The following HTR4 variants were observed in gnomAD, a reference collection of about 807,000 sequenced individuals.
HTR4 encodes 5-hydroxytryptamine (serotonin) receptor 4, G protein-coupled.
Under a neutral mutation model 36.8 loss-of-function variants are expected in HTR4, and 16 were observed. That is an observed-to-expected ratio of 0.43 (90% CI 0.29 to 0.66). The LOEUF (loss-of-function observed/expected upper bound fraction) is 0.66, where lower values mean the gene tolerates loss of function less well. Ranked by LOEUF, HTR4 falls within the 30% of genes least tolerant of loss-of-function variation. The pLI is 0.13. For synonymous variants in HTR4, 189 were observed against 185.1 expected, an observed-to-expected ratio of 1.02 and a Z score of -0.17; for missense variants, 438 against 490.9, an observed-to-expected ratio of 0.89 and a Z score of 1.02.
chr5:148,635,991 A>G (rs1383070665), intron 2 of HTR4, among the ~76,000 whole-genome samples: 1 of 152,154 alleles, frequency 6.6e-6, no homozygotes, highest in Non-Finnish European at 1.5e-5. Flanking sequence ...TATTTGAAAT[A>G]TATATATTAC....
intron 2 of HTR4, among the ~76,000 whole-genome samples, chr5:148,624,991 A>G (rs1753042187): frequency 6.6e-6 from 1 of 152,210 alleles, no homozygotes. Flanking sequence ...AATAATTGAT[A>G]ACAGCAATTT....
chr5:148,596,727 A>G (rs920985669), intron 2 of HTR4, among the ~76,000 whole-genome samples: 1 of 152,162 alleles, frequency 6.6e-6, no homozygotes, highest in African/African-American at 2.4e-5. Context: ...CTGCTCTAGC[A>G]AAACTGAATT....
chr5:148,460,801 A>G (rs1351244345), intron 5 of HTR4, among the ~76,000 whole-genome samples: 1 of 152,110 alleles, frequency 6.6e-6, no homozygotes, highest in African/African-American at 2.4e-5. Flanking sequence ...GTTCAAAATA[A>G]TAATAGCAAT....
chr5:148,593,886 G>A (rs1761670187), intron 2 of HTR4, among the ~76,000 whole-genome samples: 1 of 152,094 alleles, frequency 6.6e-6, no homozygotes, highest in African/African-American at 2.4e-5. Flanking sequence ...TTTTCAATGT[G>A]TTCAAATTCC....
At chr5:148,629,251 AC>A (rs1021117066) in intron 2 of HTR4, 59 of 152,310 alleles carry the variant, frequency 3.9e-4, no homozygotes, top group African/African-American at 1.3e-3. Context: ...AACTGTTGAT[AC>A]TAAAATTCAT....
intron 4 of HTR4, among the ~76,000 whole-genome samples, chr5:148,536,205 C>A (rs754759545): frequency 3.9e-5 from 6 of 152,074 alleles, no homozygotes; most frequent in Non-Finnish European, 8.8e-5. Context: ...TTGTTACCAC[C>A]AGACCTGCTT....
intron 5 of HTR4, among the ~76,000 whole-genome samples, chr5:148,471,295 A>G (rs2113704129): frequency 6.6e-6 from 1 of 152,328 alleles, no homozygotes; most frequent in African/African-American, 2.4e-5. Context: ...GCCTAGTACA[A>G]TGCCTGACAC....
intron 5 of HTR4, among the ~76,000 whole-genome samples, chr5:148,517,970 A>T (rs1757842958): frequency 6.6e-6 from 1 of 151,644 alleles, no homozygotes; most frequent in Non-Finnish European, 1.5e-5. Flanking sequence ...TCCCTCCCTC[A>T]TTTACTCTGC....
intron 2 of HTR4, among the ~76,000 whole-genome samples, chr5:148,609,770 G>C (rs988065457): frequency 6.6e-6 from 1 of 152,044 alleles, no homozygotes; most frequent in Admixed American, 6.5e-5. Context: ...GTTTCACCGT[G>C]TTAGCCAGGA....
chr5:148,614,510 C>A (rs1253313655), intron 2 of HTR4, among the ~76,000 whole-genome samples: 1 of 152,080 alleles, frequency 6.6e-6, no homozygotes, highest in African/African-American at 2.4e-5. Context: ...CCCTTCCTTA[C>A]ACCTTATACA....
intron 6 of HTR4, among the ~76,000 whole-genome samples, chr5:148,484,602 C>T (rs962530728): frequency 1.3e-5 from 2 of 152,266 alleles, no homozygotes; most frequent in African/African-American, 4.8e-5. Flanking sequence ...TATGACACAT[C>T]TTGGCTCAGA....
intron 4 of HTR4, among the ~76,000 whole-genome samples, chr5:148,527,157 T>A (rs1581427219): frequency 6.6e-6 from 1 of 152,212 alleles, no homozygotes; most frequent in Admixed American, 6.5e-5. Flanking sequence ...TATGTACAAC[T>A]ATTATGTACC....
At chr5:148,518,456 T>A (rs1757863940) in intron 5 of HTR4, among the ~76,000 whole-genome samples, 1 of 152,158 alleles carries the variant, frequency 6.6e-6, no homozygotes, top group Non-Finnish European at 1.5e-5. Flanking sequence ...ATTGCTATCA[T>A]CCTAGTCCAA....
chr5:148,512,239 G>T (rs1757530071), intron 5 of HTR4, among the ~76,000 whole-genome samples: 1 of 152,066 alleles, frequency 6.6e-6, no homozygotes. Flanking sequence ...ACTATGTCCT[G>T]GCTATTTCAT....
intron 6 of HTR4, among the ~76,000 whole-genome samples, chr5:148,508,478 G>A (rs966932531): frequency 1.3e-5 from 2 of 151,922 alleles, no homozygotes; most frequent in African/African-American, 4.8e-5. Context: ...TGACCTTGGG[G>A]AAAAAAAATC....
intron 2 of HTR4, among the ~76,000 whole-genome samples, chr5:148,614,295 C>T (rs2127284866): frequency 6.6e-6 from 1 of 150,588 alleles, no homozygotes; most frequent in Non-Finnish European, 1.5e-5. Context: ...TACAAGGCTA[C>T]AGTAACCAAA....
chr5:148,499,315 T>C (rs541812695), intron 6 of HTR4, among the ~76,000 whole-genome samples: 69 of 152,318 alleles, frequency 4.5e-4, no homozygotes, highest in African/African-American at 1.6e-3. Context: ...TTATTATTAA[T>C]AAAATGGAAG....
chr5:148,494,483 A>G (rs997539950), intron 6 of HTR4, among the ~76,000 whole-genome samples: 3 of 152,082 alleles, frequency 2.0e-5, no homozygotes, highest in African/African-American at 7.2e-5. Context: ...CCTCTTACTC[A>G]TTTTCACTTT....
intron 5 of HTR4, among the ~76,000 whole-genome samples, chr5:148,512,140 A>G (rs1757527592): frequency 1.3e-5 from 2 of 152,196 alleles, no homozygotes; most frequent in Non-Finnish European, 2.9e-5. Flanking sequence ...GTCAGTCCCA[A>G]TTCTTGCAGC....
Sources: allele counts gnomAD v4.1 joint callset (sites outside exome capture counted in the v4.1 genomes callset), GRCh38; gene constraint gnomAD v4.1.1; transcripts MANE v1.5; gene names NCBI Gene and HGNC (gene_info 2026-07-23, HGNC 2026-07-21).